Variants in DLGAP2 observed in about 807,000 individuals in gnomAD.
DLGAP2 encodes disks large-associated protein 2.
DLGAP2 carries 26 observed loss-of-function variants against 100.3 expected under a neutral mutation model. That is an observed-to-expected ratio of 0.26 (90% CI 0.19 to 0.36). DLGAP2 has a LOEUF of 0.36. Among genes scored for constraint, DLGAP2 ranks in the 10% least tolerant of loss-of-function variants. The pLI is 1.00. For missense variants in DLGAP2, 1,858 were observed against 1,453.2 expected (o/e 1.28, Z -4.53); for synonymous variants, 886 against 630.1 (o/e 1.41, Z -6.08).
chr8:1,004,286 G>A (rs561560318), intron 2 of DLGAP2, among the ~76,000 whole-genome samples: 13 of 152,182 alleles, frequency 8.5e-5, no homozygotes, highest in Non-Finnish European at 1.5e-4. Flanking sequence ...TGGCAAGCGT[G>A]ACAGAAACCT....
intron 1 of DLGAP2, among the ~76,000 whole-genome samples, chr8:824,300 T>A (rs946170967): frequency 6.6e-6 from 1 of 152,020 alleles, no homozygotes; most frequent in African/African-American, 2.4e-5. Flanking sequence ...GGTCTTGCAC[T>A]CCTGGGCTCA....
At chr8:781,352 T>G (rs112649519) in intron 1 of DLGAP2, among the ~76,000 whole-genome samples, 7 of 152,356 alleles carry the variant, frequency 4.6e-5, no homozygotes, top group African/African-American at 1.4e-4. Flanking sequence ...TAATGAGGTT[T>G]GATTCCTAAA....
intron 2 of DLGAP2, among the ~76,000 whole-genome samples, chr8:966,018 C>G (rs1035854415): frequency 6.6e-6 from 1 of 151,980 alleles, no homozygotes; most frequent in African/African-American, 2.4e-5. Flanking sequence ...TCAGCTCTGC[C>G]GTGACCCCCG....
chr8:748,201 G>GC (rs1820697677), intron 1 of DLGAP2, among the ~76,000 whole-genome samples: 1 of 122,430 alleles, frequency 8.2e-6, no homozygotes, highest in South Asian at 3.1e-4. Flanking sequence ...GGGATGGGGG[G>GC]CTCTGCGGTG....
chr8:1,210,670 G>T (rs539436140), intron 2 of DLGAP2, among the ~76,000 whole-genome samples: 1 of 152,258 alleles, frequency 6.6e-6, no homozygotes, highest in South Asian at 2.1e-4. Context: ...TATTTTAGAA[G>T]TGAGTCTGGG....
intron 1 of DLGAP2, among the ~76,000 whole-genome samples, chr8:771,770 G>C (rs527887875): frequency 2.3e-4 from 35 of 152,318 alleles, no homozygotes; most frequent in African/African-American, 7.2e-4. Context: ...AAAAGTTATG[G>C]AAGTAATTTA....
intron 2 of DLGAP2, among the ~76,000 whole-genome samples, chr8:1,205,014 C>T (rs1175501994): frequency 6.6e-6 from 1 of 152,086 alleles, no homozygotes; most frequent in African/African-American, 2.4e-5. Flanking sequence ...GTCTGTTAAA[C>T]GGAGCCGTAA....
intron 2 of DLGAP2, among the ~76,000 whole-genome samples, chr8:1,121,916 G>T (rs946818942): frequency 9.9e-5 from 15 of 152,174 alleles, no homozygotes; most frequent in African/African-American, 3.6e-4. Flanking sequence ...TTGGCCATTT[G>T]CTCAGAATTT....
chr8:1,290,044 G>A (rs978773081), intron 3 of DLGAP2, among the ~76,000 whole-genome samples: 3 of 152,116 alleles, frequency 2.0e-5, no homozygotes, highest in Non-Finnish European at 4.4e-5. Context: ...CACTGTTCAG[G>A]GTCCCTGTTG....
intron 2 of DLGAP2, among the ~76,000 whole-genome samples, chr8:1,161,546 C>G (rs1000001731): frequency 5.9e-5 from 9 of 152,220 alleles, no homozygotes; most frequent in Non-Finnish European, 1.2e-4. Context: ...CAGACACACA[C>G]TCACATTTCA....
At chr8:781,698 G>A (rs560921304) in intron 1 of DLGAP2, among the ~76,000 whole-genome samples, 39 of 152,286 alleles carry the variant, frequency 2.6e-4, no homozygotes, top group African/African-American at 9.4e-4. Context: ...GTTAAAGAAC[G>A]AACTTACTTC....
intron 7 of DLGAP2, among the ~76,000 whole-genome samples, chr8:1,631,471 G>C (rs1797644010): frequency 6.6e-6 from 1 of 152,170 alleles, no homozygotes; most frequent in African/African-American, 2.4e-5. Flanking sequence ...TTATGGTCCA[G>C]AAAAACATCC....
rs972266041 is a variant in DLGAP2 at position 1,576,022 on chromosome 8, A to G, written c.1442+10128A>G. ...TGGGTCAAATGGTATTTCTAGTTCT[A>G]GATCCTTGAGGAATCGCCACACTGT... is the stretch of plus-strand genomic sequence containing the variant. On this transcript the variant is annotated intron_variant, in intron 6 of 14. Transcript: ENST00000637795. 2.4e-4 allele frequency among the ~76,000 whole-genome samples: 37 copies of G among 152,282 alleles called. No homozygotes were observed. The Middle Eastern group carries it at 0.01, about 42-fold the overall frequency.
chr8:1,072,294 G>T (rs1429286227), intron 2 of DLGAP2, among the ~76,000 whole-genome samples: 1 of 152,148 alleles, frequency 6.6e-6, no homozygotes, highest in African/African-American at 2.4e-5. Context: ...GGTAGACATT[G>T]TAATAACATT....
chr8:1,199,484 C>T (rs1049972814), intron 2 of DLGAP2, among the ~76,000 whole-genome samples: 1 of 152,184 alleles, frequency 6.6e-6, no homozygotes, highest in Non-Finnish European at 1.5e-5. Context: ...AGTAAAGGCA[C>T]AGGCAGTCCA....
At chr8:1,522,754 A>T (rs1300170176) in intron 4 of DLGAP2, among the ~76,000 whole-genome samples, 2 of 152,178 alleles carry the variant, frequency 1.3e-5, no homozygotes, top group Non-Finnish European at 2.9e-5. Flanking sequence ...CTTTCAAATT[A>T]CACGCGCCAA....
intron 1 of DLGAP2, among the ~76,000 whole-genome samples, chr8:803,132 G>T (rs1443306579): frequency 1.3e-5 from 2 of 152,022 alleles, no homozygotes; most frequent in African/African-American, 4.8e-5. Flanking sequence ...CTGGCTTTAT[G>T]GCTGGGGTGC....
At chr8:1,355,100 A>G (rs1801818254) in intron 3 of DLGAP2, among the ~76,000 whole-genome samples, 1 of 152,082 alleles carries the variant, frequency 6.6e-6, no homozygotes. Context: ...TCTGTGGATG[A>G]AGGTGGAAAG....
At chr8:1,031,346 G>C (rs544897152) in intron 2 of DLGAP2, among the ~76,000 whole-genome samples, 1 of 152,124 alleles carries the variant, frequency 6.6e-6, no homozygotes, top group South Asian at 2.1e-4. Flanking sequence ...GTTAGTTACA[G>C]TTGGGAAGCC....
Sources: gnomAD v4.1 joint callset for allele counts (sites outside exome capture counted in the v4.1 genomes callset) on GRCh38, gnomAD v4.1.1 for gene constraint, MANE v1.5 for transcripts, NCBI Gene and HGNC (gene_info 2026-07-23, HGNC 2026-07-21) for gene names.